The following LINC00632 variants were observed in gnomAD, a reference collection of about 807,000 sequenced individuals.
The protein encoded by LINC00632 is ALDOA related specific transcript.
chrX:140,770,972 A>G (rs1931778881), intron 3 of LINC00632, among the ~76,000 whole-genome samples: 1 of 111,567 alleles, frequency 9.0e-6, no homozygotes, highest in African/African-American at 3.3e-5. Context: ...CAGCTTGAGG[A>G]CTCAACCTGG....
chrX:140,731,226 C>T (rs971803323), intron 2 of LINC00632, among the ~76,000 whole-genome samples: 1 of 112,006 alleles, frequency 8.9e-6, no homozygotes, highest in African/African-American at 3.2e-5. Flanking sequence ...AGTCTGTTTA[C>T]CTATTTGTAA....
chrX:140,720,626 A>G (rs1930712874), intron 2 of LINC00632, among the ~76,000 whole-genome samples: 1 of 111,965 alleles, frequency 8.9e-6, no homozygotes, highest in Admixed American at 9.6e-5. Context: ...TTGCTGTAAC[A>G]CATGCCAACT....
At chrX:140,772,686 G>A in exon 4 of LINC00632, 1 of 154,935 alleles carries the variant, frequency 6.5e-6, no homozygotes, top group Non-Finnish European at 1.2e-5. Flanking sequence ...AAGCAGTTGG[G>A]GCCAGTGAAT....
chrX:140,762,486 CAA>C (rs1369212535), intron 3 of LINC00632, among the ~76,000 whole-genome samples: 1 of 112,176 alleles, frequency 8.9e-6, no homozygotes, highest in African/African-American at 3.2e-5. Flanking sequence ...GATAGCTAAA[CAA>C]ATAATTTATC....
chrX:140,737,616 C>T (rs1417197542), intron 3 of LINC00632, among the ~76,000 whole-genome samples: 1 of 111,822 alleles, frequency 8.9e-6, no homozygotes, highest in Admixed American at 9.5e-5. Flanking sequence ...TCATCCCTCC[C>T]CTCCTGCCTA....
chrX:140,726,917 A>G (rs1930973204), intron 2 of LINC00632, among the ~76,000 whole-genome samples: 1 of 112,030 alleles, frequency 8.9e-6, no homozygotes, highest in Admixed American at 9.5e-5. Context: ...CGCTGCCAGC[A>G]TAGTCTTGTG....
chrX:140,744,947 C>G (rs1292999593), intron 3 of LINC00632, among the ~76,000 whole-genome samples: 1 of 110,296 alleles, frequency 9.1e-6, no homozygotes, highest in Admixed American at 9.8e-5. Context: ...CCCAGACCAA[C>G]CAAGAGAGGC....
intron 3 of LINC00632, among the ~76,000 whole-genome samples, chrX:140,737,260 C>G (rs929082421): frequency 3.6e-5 from 4 of 111,372 alleles, no homozygotes; most frequent in African/African-American, 9.8e-5. Context: ...CAGGTTCTAA[C>G]AAGTTTAATA....
intron 2 of LINC00632, among the ~76,000 whole-genome samples, chrX:140,722,460 C>T (rs1930745993): frequency 9.1e-6 from 1 of 110,411 alleles, no homozygotes. Context: ...TATTTACCCC[C>T]CAGCACCAGA....
intron 2 of LINC00632, among the ~76,000 whole-genome samples, chrX:140,716,493 C>T (rs1440020157): frequency 9.1e-6 from 1 of 110,261 alleles, no homozygotes; most frequent in Admixed American, 9.8e-5. Flanking sequence ...AAAAGGCCTA[C>T]CCCAGATATC....
intron 3 of LINC00632, among the ~76,000 whole-genome samples, chrX:140,766,821 G>A (rs1181253874): frequency 8.9e-6 from 1 of 112,084 alleles, no homozygotes; most frequent in Non-Finnish European, 1.9e-5. Flanking sequence ...AATATTTGTA[G>A]AAATTTAATG....
intron 2 of LINC00632, among the ~76,000 whole-genome samples, chrX:140,728,666 A>T (rs1464277701): frequency 8.9e-6 from 1 of 111,863 alleles, no homozygotes; most frequent in Non-Finnish European, 1.9e-5. Context: ...TGTGTCCTTC[A>T]ATGTACAAAA....
intron 2 of LINC00632, among the ~76,000 whole-genome samples, chrX:140,723,642 T>C: frequency 3.6e-5 from 1 of 27,804 alleles, no homozygotes; most frequent in Non-Finnish European, 6.5e-5. Flanking sequence ...CACACACACA[T>C]TCCATACACA....
rs1556023996 is a variant in LINC00632, at chrX:140,742,877, G to GGAAGGAAGGAAGGA, written n.191+8913_191+8914insGAAGGAAGGAAGGA. The stretch of plus-strand genomic sequence containing the variant: ...AGAGAGAGAGAGAGAGAGAGAGAGA[G>GGAAGGAAGGAAGGA]AGGAAGGAAGGAAGGAAGGAAAGGA... On this transcript the variant is annotated intron_variant and non_coding_transcript_variant, in intron 3 of 4. Coordinates refer to ENST00000648200, the Ensembl canonical transcript of LINC00632. Among the ~76,000 whole-genome samples, 250 of 94,430 alleles carry GGAAGGAAGGAAGGA rather than the reference G, an allele frequency of 2.6e-3. 4 individuals are homozygous for GGAAGGAAGGAAGGA. The highest frequency in any genetic ancestry group is 1.0e-2 in the African/African-American group (243 of 24,386). 82.0% of individuals were successfully genotyped at this position (94,430 alleles called of 115,157 possible). A position where few individuals can be genotyped will look rare whatever the true frequency, so the allele number is the denominator to read the frequency against.
chrX:140,788,814 C>G (rs553701207), exon 5 of LINC00632, among the ~76,000 whole-genome samples: 1,123 of 64,040 alleles, frequency 0.018, no homozygotes, highest in Middle Eastern at 0.029. Flanking sequence ...ATATATGTAT[C>G]TATATTCCAT....
At position 140,713,477 on chromosome X, in the gene LINC00632, T is replaced by C. The variant is rs73590109; in HGVS notation, n.104+1821T>C. The stretch of plus-strand genomic sequence containing the variant: ...CATGTTTAGAACAGTGTCTGGCACA[T>C]AGTAACCATTATGTAAGTGTTGTCT... On this transcript the variant is annotated intron_variant and non_coding_transcript_variant, in intron 2 of 4. Coordinates refer to ENST00000648200, the Ensembl canonical transcript of LINC00632. The C allele has an allele frequency of 1.7e-3, 566 of 329,375 alleles. 3 individuals carry two copies. The highest frequency in any genetic ancestry group is 0.014 in the African/African-American group (516 of 37,417). The allele number at this position is 329,375 out of a possible 1,213,427, so 27.1% of individuals were successfully genotyped here.
At chrX:140,765,547 C>G (rs1403471065) in intron 3 of LINC00632, among the ~76,000 whole-genome samples, 1 of 111,989 alleles carries the variant, frequency 8.9e-6, no homozygotes, top group Non-Finnish European at 1.9e-5. Context: ...AGAGGGACGC[C>G]TCTATGCTTA....
chrX:140,740,634 A>T (rs781474826), intron 3 of LINC00632, among the ~76,000 whole-genome samples: 1 of 110,495 alleles, frequency 9.1e-6, no homozygotes, highest in South Asian at 3.9e-4. Flanking sequence ...AGACTTAGGT[A>T]TTTCTTGAGG....
intron 3 of LINC00632, among the ~76,000 whole-genome samples, chrX:140,752,503 G>C (rs1186820214): frequency 1.8e-5 from 2 of 111,916 alleles, no homozygotes; most frequent in Non-Finnish European, 1.9e-5. Context: ...TGTGTGAACA[G>C]CTTGTAAAAG....
Sources: gnomAD v4.1 joint callset for allele counts (sites outside exome capture counted in the v4.1 genomes callset) on GRCh38, gnomAD v4.1.1 for gene constraint, MANE v1.5 for transcripts, NCBI Gene and HGNC (gene_info 2026-07-23, HGNC 2026-07-21) for gene names.